Variants in TJP2 observed in about 807,000 individuals in gnomAD.
TJP2 encodes tight junction protein 2, also known as Friedreich ataxia region gene X104 (tight junction protein ZO-2).
TJP2 carries 91 observed loss-of-function variants against 133.1 expected under a neutral mutation model. That is an observed-to-expected ratio of 0.68 (90% CI 0.58 to 0.81). The LOEUF is 0.81. Among genes scored for constraint, TJP2 ranks in the 40% least tolerant of loss-of-function variants. TJP2 has a pLI of 0.00. For missense variants in TJP2, 1,541 were observed against 1,565.6 expected (o/e 0.98, Z 0.26); for synonymous variants, 592 against 583.4 (o/e 1.01, Z -0.21).
chr9:69,225,806 A>C (rs1829302055), intron 6 of TJP2, among the ~76,000 whole-genome samples: 1 of 152,196 alleles, frequency 6.6e-6, no homozygotes, highest in South Asian at 2.1e-4. Flanking sequence ...TTGGAAGTTA[A>C]ATAAATTAGC....
intron 16 of TJP2, among the ~76,000 whole-genome samples, chr9:69,239,419 G>A (rs1164369505): frequency 6.6e-6 from 1 of 152,122 alleles, no homozygotes; most frequent in African/African-American, 2.4e-5. Flanking sequence ...AGAGTTCCCA[G>A]CATTATACCA....
At chr9:69,184,628 G>T (rs572597132) in intron 1 of TJP2, among the ~76,000 whole-genome samples, 4 of 152,154 alleles carry the variant, frequency 2.6e-5, no homozygotes, top group Non-Finnish European at 5.9e-5. Flanking sequence ...AAGAAGAAAT[G>T]GCATAGATGC....
At chr9:69,246,332 G>A (rs1052731659) in intron 17 of TJP2, 4 of 359,730 alleles carry the variant, frequency 1.1e-5, no homozygotes, top group African/African-American at 8.5e-5. Flanking sequence ...ATACTAATTA[G>A]TGTATACACC....
intron 1 of TJP2, among the ~76,000 whole-genome samples, chr9:69,200,006 C>G (rs1249153804): frequency 6.6e-6 from 1 of 152,168 alleles, no homozygotes; most frequent in Non-Finnish European, 1.5e-5. Flanking sequence ...CTTCCTTCCT[C>G]TCCAGTTTTC....
In TJP2 at chr9:69,198,986, G is replaced by C. The variant is rs141230416; in HGVS notation, c.61-13562G>C. ...AGAACAAGAGTTGAACTCATTTTCT[G>C]CCTTCTCTGGGAAAAAGCATTTCCT... On this transcript the variant is annotated intron_variant, in intron 1 of 22. Transcript: ENST00000377245. Among the ~76,000 whole-genome samples, 16 of 152,288 alleles carry C rather than the reference G, an allele frequency of 1.1e-4. No individual in the cohort carries two copies. The East Asian group carries it at 3.1e-3, about 29-fold the overall frequency.
intron 5 of TJP2, among the ~76,000 whole-genome samples, chr9:69,223,653 AG>A (rs1829095901): frequency 1.2e-5 from 1 of 81,518 alleles, no homozygotes; most frequent in Non-Finnish European, 2.3e-5. Flanking sequence ...GAAAAATGCC[AG>A]AGAGATGTTA....
intron 5 of TJP2, among the ~76,000 whole-genome samples, chr9:69,224,239 T>C (rs985388982): frequency 6.6e-6 from 1 of 152,326 alleles, no homozygotes; most frequent in African/African-American, 2.4e-5. Context: ...CTTCACCCAC[T>C]GAATTCCTTT....
In TJP2 at chr9:69,126,998, G is replaced by A. The variant is rs1258044440; in HGVS notation, c.-131+5273G>A. On this transcript the variant is annotated intron_variant, in intron 1 of 5. Coordinates refer to the TJP2 transcript ENST00000423935. Reference sequence around the variant, plus strand: ...TGTAATCCCAGCAGTTTGGAAGGCTGAGGTGGAAGGATTGCTTGAGCCTGG... The same window carrying A: ...TGTAATCCCAGCAGTTTGGAAGGCTAAGGTGGAAGGATTGCTTGAGCCTGG... 9.2e-5 allele frequency among the ~76,000 whole-genome samples: 7 copies of A among 76,156 alleles called. 3 individuals are homozygous for A. Among genetic ancestry groups the A allele is most frequent in the African/African-American group, 2.8e-4 (7 of 24,966 alleles). The allele number at this position is 76,156 out of a possible 152,430, so 50.0% of individuals were successfully genotyped here. A position where few individuals can be genotyped will look rare whatever the true frequency, so the allele number is the denominator to read the frequency against.
intron 19 of TJP2, chr9:69,249,102 C>A: frequency 8.1e-7 from 1 of 1,231,374 alleles, no homozygotes; most frequent in South Asian, 2.0e-5. Context: ...TGCCTATAGA[C>A]ATGGATATTA....
intron 17 of TJP2, among the ~76,000 whole-genome samples, chr9:69,244,158 T>C (rs1830759560): frequency 7.8e-6 from 1 of 128,628 alleles, no homozygotes; most frequent in Admixed American, 9.6e-5. Context: ...CACTCCAGCC[T>C]GGGCGACAAT....
At chr9:69,176,617 T>A (rs1825111468) in intron 1 of TJP2, among the ~76,000 whole-genome samples, 1 of 152,240 alleles carries the variant, frequency 6.6e-6, no homozygotes, top group Admixed American at 6.5e-5. Flanking sequence ...GAGGCATTCA[T>A]AGGCTTAAGA....
chr9:69,248,406 C>A, intron 19 of TJP2, 182 bp downstream of exon 19: 4 of 1,434,554 alleles, frequency 2.8e-6, no homozygotes, highest in Non-Finnish European at 2.8e-6. Context: ...GAAAGTGGGG[C>A]AGGCAGGTGG....
chr9:69,192,910 TTCTC>T (rs894973567), intron 1 of TJP2, among the ~76,000 whole-genome samples: 8 of 145,260 alleles, frequency 5.5e-5, no homozygotes, highest in African/African-American at 2.0e-4. Flanking sequence ...CCTTTCTTCC[TTCTC>T]TCTCACTTTT....
At position 69,206,905 on chromosome 9, in the gene TJP2, A is replaced by G. The variant is rs138077946; in HGVS notation, c.61-5643A>G. ...TCTCCCTATTTTTTAAACTTATGAA[A>G]TGTTTGGTACCATAAAAGAATTAAA... On this transcript the variant is annotated intron_variant, in intron 1 of 22. Coordinates refer to ENST00000377245, the MANE Select transcript of TJP2 (RefSeq NM_004817.4). Among the ~76,000 whole-genome samples, 305 of 152,274 alleles carry G rather than the reference A, an allele frequency of 2.0e-3. 1 individual carries two copies. Among genetic ancestry groups the G allele is most frequent in the African/African-American group, 7.0e-3 (289 of 41,560 alleles).
chr9:69,226,287 C>T, intron 7 of TJP2, 112 bp downstream of exon 7: 1 of 1,227,894 alleles, frequency 8.1e-7, no homozygotes, highest in South Asian at 1.4e-5. Flanking sequence ...AAGGAAAGAC[C>T]CCTTGAAACC....
At chr9:69,121,442 C>A (rs554111479), upstream of TJP2, 120 of 749,180 alleles carry the variant, frequency 1.6e-4, no homozygotes, top group African/African-American at 2.2e-3. Flanking sequence ...CCCCTGCCCC[C>A]ACCCTGGATT....
At chr9:69,242,048 C>A (rs542678138) in intron 17 of TJP2, among the ~76,000 whole-genome samples, 28 of 152,268 alleles carry the variant, frequency 1.8e-4, no homozygotes, top group African/African-American at 6.0e-4. Flanking sequence ...TTGGGATTCA[C>A]GTGAGGATGT....
rs575402486 is a variant in TJP2 at position 69,177,259 on chromosome 9, G to T, written c.60+2827G>T. ...TATGGTAGTGTCTGAGGGTGAGATTGCCCCAGATGGGAGTGGAGGGAAGCA... is the reference window on the plus strand; with the variant it reads ...TATGGTAGTGTCTGAGGGTGAGATTTCCCCAGATGGGAGTGGAGGGAAGCA... On this transcript the variant is annotated intron_variant, in intron 1 of 22. Transcript: ENST00000377245. Among the ~76,000 whole-genome samples, 4 of 152,318 alleles carry T rather than the reference G, an allele frequency of 2.6e-5. No homozygotes were observed. The South Asian group carries it at 8.3e-4, about 32-fold the overall frequency.
intron 1 of TJP2, among the ~76,000 whole-genome samples, chr9:69,185,647 C>G (rs547427457): frequency 6.6e-6 from 1 of 152,186 alleles, no homozygotes; most frequent in African/African-American, 2.4e-5. Context: ...TAAAGTCATT[C>G]CACTTTATTA....
Sources: allele counts gnomAD v4.1 joint callset (sites outside exome capture counted in the v4.1 genomes callset), GRCh38; gene constraint gnomAD v4.1.1; transcripts MANE v1.5; gene names NCBI Gene and HGNC (gene_info 2026-07-23, HGNC 2026-07-21).